Variants in PIK3C2A observed in about 807,000 individuals in gnomAD.
PIK3C2A encodes phosphatidylinositol-4-phosphate 3-kinase catalytic subunit type 2 alpha, also known as phosphatidylinositol 4-phosphate 3-kinase C2 domain-containing subunit alpha.
PIK3C2A carries 97 observed loss-of-function variants against 204.5 expected under a neutral mutation model. The ratio of observed to expected loss-of-function variants is 0.47; its 90% CI spans 0.40 to 0.56. PIK3C2A has a LOEUF of 0.56. Ranked by LOEUF, PIK3C2A falls within the 20% of genes least tolerant of loss-of-function variation. PIK3C2A has a pLI of 0.00. For missense variants in PIK3C2A, 1,735 were observed against 1,969.2 expected, an observed-to-expected ratio of 0.88 and a Z score of 2.25; for synonymous variants, 653 against 664.4, an observed-to-expected ratio of 0.98 and a Z score of 0.26.
intron 5 of PIK3C2A, 77 bp downstream of exon 5, chr11:17,148,590 T>C: frequency 7.7e-7 from 1 of 1,295,952 alleles, no homozygotes; most frequent in South Asian, 1.3e-5. Flanking sequence ...ATTATAAATT[T>C]AACTTGAAAT....
At chr11:17,182,572 A>AAT (rs1364747898) in intron 1 of PIK3C2A, among the ~76,000 whole-genome samples, 1 of 151,730 alleles carries the variant, frequency 6.6e-6, no homozygotes, top group Non-Finnish European at 1.5e-5. Context: ...TGTCTCAAAA[A>AAT]AAAAAAAAAA....
chr11:17,109,561 C>G (rs1343380413), intron 22 of PIK3C2A, among the ~76,000 whole-genome samples: 1 of 151,912 alleles, frequency 6.6e-6, no homozygotes, highest in Non-Finnish European at 1.5e-5. Flanking sequence ...TAGATATGGC[C>G]TTATTTATTT....
At chr11:17,146,765 G>T (rs1201379741) in intron 6 of PIK3C2A, among the ~76,000 whole-genome samples, 1 of 151,172 alleles carries the variant, frequency 6.6e-6, no homozygotes, top group African/African-American at 2.4e-5. Context: ...AAACTAAGAA[G>T]AAAAGTTACC....
At chr11:17,169,948 C>T in intron 1 of PIK3C2A, 142 bp from the exon 2 acceptor site, 1 of 536,274 alleles carries the variant, frequency 1.9e-6, no homozygotes, top group East Asian at 3.1e-5. Context: ...CAGATAAAAT[C>T]TGGGTGAAGG....
chr11:17,135,239 A>G, intron 9 of PIK3C2A, 80 bp from the exon 10 acceptor site: 1 of 1,426,832 alleles, frequency 7.0e-7, no homozygotes, highest in Non-Finnish European at 9.8e-7. Context: ...TGTCCAAGAA[A>G]CTCTTTCCAG....
At chr11:17,184,367 T>C (rs1851681870) in intron 1 of PIK3C2A, among the ~76,000 whole-genome samples, 1 of 152,030 alleles carries the variant, frequency 6.6e-6, no homozygotes, top group Admixed American at 6.6e-5. Flanking sequence ...GATGTGGAGA[T>C]GGAAAACAGC....
intron 1 of PIK3C2A, among the ~76,000 whole-genome samples, chr11:17,174,732 C>G (rs1433530160): frequency 6.6e-6 from 1 of 151,872 alleles, no homozygotes; most frequent in Non-Finnish European, 1.5e-5. Flanking sequence ...AACCCCATCT[C>G]TACTAAAAAT....
At chr11:17,131,017 A>T (rs993854542) in intron 12 of PIK3C2A, among the ~76,000 whole-genome samples, 1 of 150,574 alleles carries the variant, frequency 6.6e-6, no homozygotes, top group Non-Finnish European at 1.5e-5. Context: ...TGAAACCCCA[A>T]CTCTACTAAA....
intron 1 of PIK3C2A, among the ~76,000 whole-genome samples, chr11:17,171,458 A>T (rs1851157754): frequency 6.6e-6 from 1 of 152,168 alleles, no homozygotes; most frequent in Non-Finnish European, 1.5e-5. Context: ...AATTCAAATT[A>T]GTATAATACA....
At chr11:17,119,655 T>G (rs1849310882) in intron 16 of PIK3C2A, 131 bp downstream of exon 16, 4 of 574,830 alleles carry the variant, frequency 7.0e-6, no homozygotes, top group Non-Finnish European at 1.2e-5. Context: ...TATGTTTGTA[T>G]AAATATACAT....
chr11:17,163,908 TA>T (rs35154954), intron 2 of PIK3C2A, among the ~76,000 whole-genome samples: 100 of 142,568 alleles, frequency 7.0e-4, no homozygotes, highest in South Asian at 1.8e-3. Context: ...TACAAAACCT[TA>T]AAAAAAAAAA....
chr11:17,145,450 C>A (rs537116797), intron 8 of PIK3C2A, among the ~76,000 whole-genome samples: 1 of 152,120 alleles, frequency 6.6e-6, no homozygotes, highest in Non-Finnish European at 1.5e-5. Context: ...TCTTGCTGCC[C>A]TATGAAGAGG....
intron 1 of PIK3C2A, among the ~76,000 whole-genome samples, chr11:17,181,355 T>TA (rs1174644848): frequency 6.6e-6 from 1 of 151,608 alleles, no homozygotes; most frequent in Non-Finnish European, 1.5e-5. Context: ...GATTTTTTTT[T>TA]TTATTATAAC....
At chr11:17,101,495 T>TC in intron 24 of PIK3C2A, 61 bp from the exon 25 acceptor site, 1 of 902,146 alleles carries the variant, frequency 1.1e-6, no homozygotes, top group Non-Finnish European at 1.6e-6. Context: ...ATAGTGCTAT[T>TC]ACATGATTAT....
chr11:17,180,518 C>A (rs559269400), intron 1 of PIK3C2A, among the ~76,000 whole-genome samples: 1,804 of 115,446 alleles, frequency 0.016, 28 homozygotes, highest in African/African-American at 0.052. Flanking sequence ...ACAACAACAA[C>A]AACAAAAAAC....
chr11:17,166,253 G>A (rs1372799344), intron 2 of PIK3C2A, among the ~76,000 whole-genome samples: 4 of 152,020 alleles, frequency 2.6e-5, no homozygotes, highest in Admixed American at 1.3e-4. Flanking sequence ...AAATGCAGAA[G>A]AGTCCTTTGG....
intron 24 of PIK3C2A, among the ~76,000 whole-genome samples, chr11:17,101,815 G>A (rs1268060631): frequency 2.0e-5 from 3 of 151,732 alleles, no homozygotes; most frequent in African/African-American, 7.3e-5. Context: ...GTGTTAGCCA[G>A]GATGGTCTCG....
At chr11:17,093,475 AGGATG>A (rs1156349064) in intron 28 of PIK3C2A, among the ~76,000 whole-genome samples, 2 of 152,130 alleles carry the variant, frequency 1.3e-5, no homozygotes. Flanking sequence ...CGTGTTAGCC[AGGATG>A]GTCTCCATCT....
chr11:17,197,748 T>C (rs1852210726), intron 1 of PIK3C2A, among the ~76,000 whole-genome samples: 1 of 152,190 alleles, frequency 6.6e-6, no homozygotes, highest in Admixed American at 6.5e-5. Flanking sequence ...TTCATTCACT[T>C]GACATGAATC....
Sources: gnomAD v4.1 joint callset for allele counts (sites outside exome capture counted in the v4.1 genomes callset) on GRCh38, gnomAD v4.1.1 for gene constraint, MANE v1.5 for transcripts, NCBI Gene and HGNC (gene_info 2026-07-23, HGNC 2026-07-21) for gene names.